MEIS2: variants seen among roughly 807,000 people sequenced by gnomAD.
MEIS2 encodes homeobox protein Meis2.
Under a neutral mutation model 58.6 loss-of-function variants are expected in MEIS2, and 9 were observed. That is an observed-to-expected ratio of 0.15 (90% confidence interval 0.09 to 0.27). The LOEUF is 0.27. MEIS2 is among the 10% of genes least tolerant of loss of function. MEIS2 has a pLI of 1.00. For synonymous variants in MEIS2, 221 were observed against 228.4 expected (o/e 0.97, Z 0.29); for missense variants, 427 against 635.0 (o/e 0.67, Z 3.52).
intron 8 of MEIS2, among the ~76,000 whole-genome samples, chr15:36,959,982 G>A (rs1351877743): frequency 6.6e-6 from 1 of 151,956 alleles, no homozygotes; most frequent in Non-Finnish European, 1.5e-5. Flanking sequence ...GAGGATTAGT[G>A]ATTAGTCCAT....
intron 7 of MEIS2, among the ~76,000 whole-genome samples, chr15:37,056,806 C>G (rs1025388114): frequency 6.6e-6 from 1 of 152,330 alleles, no homozygotes; most frequent in African/African-American, 2.4e-5. Context: ...CCCTGACCCC[C>G]ACCCTGGGCA....
intron 6 of MEIS2, among the ~76,000 whole-genome samples, chr15:37,087,521 C>T (rs1294228180): frequency 2.6e-5 from 4 of 152,138 alleles, no homozygotes; most frequent in African/African-American, 7.2e-5. Flanking sequence ...GAGCGCTCTG[C>T]TGCTCTACTC....
chr15:37,031,419 A>ATGTGTGTGTG (rs1330138116), intron 8 of MEIS2, among the ~76,000 whole-genome samples: 9 of 30,512 alleles, frequency 2.9e-4, no homozygotes, highest in South Asian at 2.2e-3. Flanking sequence ...CCTCCCTTGC[A>ATGTGTGTGTG]TATGTGTGTG....
intron 7 of MEIS2, among the ~76,000 whole-genome samples, chr15:37,039,088 C>T (rs2141747949): frequency 6.6e-6 from 1 of 152,230 alleles, no homozygotes; most frequent in East Asian, 1.9e-4. Context: ...AGGTGCTGTT[C>T]TGTAGCCTGA....
Position 36,899,542 on chromosome 15 carries a change from AT to A in MEIS2, c.978-2857del, listed in dbSNP as rs572333126. Among the ~76,000 whole-genome samples the A allele has an allele frequency of 2.6e-5, 4 of 152,280 alleles. No homozygotes were observed. The South Asian group carries it at 6.2e-4, about 24-fold the overall frequency. On this transcript the variant is annotated intron_variant, in intron 9 of 11. Transcript: ENST00000561208. ...CTTTTCTCAAAATTACATGAAATAA[AT>A]TTTTTTCCACATCTTCTAATCTATA...
chr15:36,922,588 C>T (rs1331017576), intron 9 of MEIS2, among the ~76,000 whole-genome samples: 1 of 150,516 alleles, frequency 6.6e-6, no homozygotes, highest in Non-Finnish European at 1.5e-5. Flanking sequence ...TCTGTAAGTC[C>T]CTTTGGAAAC....
rs150937128 is a variant in MEIS2, at chr15:37,055,567, A to G, written c.755-18608T>C. The stretch of plus-strand genomic sequence containing the variant: ...CACCTTCAACCTTGCTGTAAGCAGT[A>G]AAATTGATTCATCTCACTGACAAAA... On this transcript the variant is annotated intron_variant, in intron 7 of 11. Coordinates refer to ENST00000561208, the MANE Select transcript of MEIS2 (RefSeq NM_170675.5). Among the ~76,000 whole-genome samples, 155 of 152,298 alleles carry G rather than the reference A, an allele frequency of 1.0e-3. 1 individual carries two copies. Among genetic ancestry groups the G allele is most frequent in the African/African-American group, 3.7e-3 (152 of 41,572 alleles).
chr15:37,082,422 A>T (rs1892357349), intron 7 of MEIS2, among the ~76,000 whole-genome samples: 2 of 152,078 alleles, frequency 1.3e-5, no homozygotes, highest in Admixed American at 1.3e-4. Flanking sequence ...GGTGGGAAGG[A>T]TGGAGTCATA....
At chr15:37,077,106 T>C (rs1383083755) in intron 7 of MEIS2, among the ~76,000 whole-genome samples, 1 of 152,152 alleles carries the variant, frequency 6.6e-6, no homozygotes, top group African/African-American at 2.4e-5. Flanking sequence ...TAAAACATTT[T>C]ATTTCCAAAC....
chr15:37,055,942 A>G (rs1214842347), intron 7 of MEIS2, among the ~76,000 whole-genome samples: 1 of 152,224 alleles, frequency 6.6e-6, no homozygotes, highest in Non-Finnish European at 1.5e-5. Flanking sequence ...ATTACATACC[A>G]TAATTGACAT....
chr15:36,971,721 A>G (rs1228307017), intron 8 of MEIS2, among the ~76,000 whole-genome samples: 1 of 152,042 alleles, frequency 6.6e-6, no homozygotes, highest in Non-Finnish European at 1.5e-5. Context: ...AAAGCTAAGT[A>G]TTTCAGTTAA....
intron 9 of MEIS2, among the ~76,000 whole-genome samples, chr15:36,911,898 G>C (rs75035787): frequency 2.0e-5 from 3 of 152,178 alleles, no homozygotes; most frequent in Non-Finnish European, 4.4e-5. Flanking sequence ...TTCTTAAAAT[G>C]ATGGGGGTGA....
intron 8 of MEIS2, among the ~76,000 whole-genome samples, chr15:37,031,404 T>A (rs965608080): frequency 6.9e-6 from 1 of 145,766 alleles, no homozygotes; most frequent in African/African-American, 2.5e-5. Flanking sequence ...CTTCCCTCCC[T>A]CTCTCCTCCC....
intron 8 of MEIS2, among the ~76,000 whole-genome samples, chr15:36,988,122 T>G (rs1437809943): frequency 3.9e-5 from 6 of 152,140 alleles, no homozygotes; most frequent in Admixed American, 3.9e-4. Context: ...GAGGTTCTCT[T>G]ACCACAAAAA....
At chr15:36,917,319 G>T (rs1719748088) in intron 9 of MEIS2, among the ~76,000 whole-genome samples, 1 of 152,124 alleles carries the variant, frequency 6.6e-6, no homozygotes, top group East Asian at 1.9e-4. Context: ...AGGTTCTAAG[G>T]AAGAATATAG....
intron 8 of MEIS2, among the ~76,000 whole-genome samples, chr15:37,022,872 G>T (rs1389943630): frequency 6.6e-6 from 1 of 151,118 alleles, no homozygotes; most frequent in Non-Finnish European, 1.5e-5. Flanking sequence ...GGCCAGGCTG[G>T]TCTTGAACTC....
At chr15:36,957,500 C>A (rs1355164453) in intron 8 of MEIS2, among the ~76,000 whole-genome samples, 2 of 152,138 alleles carry the variant, frequency 1.3e-5, no homozygotes, top group African/African-American at 4.8e-5. Context: ...ATGTCCAAGC[C>A]CTACTAATCC....
At position 37,016,745 on chromosome 15, in the gene MEIS2, G is replaced by A. The variant is rs369784811; in HGVS notation, c.900+20069C>T. Among the ~76,000 whole-genome samples the A allele has an allele frequency of 2.6e-5, 4 of 152,296 alleles. No individual in the cohort carries two copies. The South Asian group carries it at 8.3e-4, about 32-fold the overall frequency. ...CAGCTACACATTAATTTAAAATGAA[G>A]TCTGTGTACAGCTTAGGAATCATTT... On this transcript the variant is annotated intron_variant, in intron 8 of 11. Coordinates refer to ENST00000561208, the MANE Select transcript of MEIS2 (RefSeq NM_170675.5).
intron 6 of MEIS2, among the ~76,000 whole-genome samples, chr15:37,086,402 G>A (rs1892886017): frequency 6.6e-6 from 1 of 152,160 alleles, no homozygotes; most frequent in African/African-American, 2.4e-5. Flanking sequence ...TCTTTCAATG[G>A]TATCTGAAGG....
Sources: allele counts gnomAD v4.1 joint callset (sites outside exome capture counted in the v4.1 genomes callset), GRCh38; gene constraint gnomAD v4.1.1; transcripts MANE v1.5; gene names NCBI Gene and HGNC (gene_info 2026-07-23, HGNC 2026-07-21).